Variants in PSD3 observed in about 807,000 individuals in gnomAD.
The protein encoded by PSD3 is pleckstrin and Sec7 domain containing 3.
A neutral mutation model predicts 105.5 loss-of-function variants in PSD3; 49 were observed. The observed-to-expected ratio is 0.46, with a 90% confidence interval of 0.37 to 0.59. The LOEUF is 0.59. Among genes scored for constraint, PSD3 ranks in the 20% least tolerant of loss-of-function variants. The pLI is 0.00. For missense variants in PSD3, 1,561 were observed against 1,263.8 expected, an observed-to-expected ratio of 1.24 and a Z score of -3.57; for synonymous variants, 557 against 457.8, an observed-to-expected ratio of 1.22 and a Z score of -2.77.
chr8:18,579,897 G>C (rs1212227291), intron 12 of PSD3, among the ~76,000 whole-genome samples: 1 of 152,110 alleles, frequency 6.6e-6, no homozygotes, highest in Non-Finnish European at 1.5e-5. Context: ...AAACACAGTT[G>C]AAATGGTCTT....
intron 4 of PSD3, among the ~76,000 whole-genome samples, chr8:18,859,777 G>T (rs558841353): frequency 6.6e-6 from 1 of 152,232 alleles, no homozygotes; most frequent in African/African-American, 2.4e-5. Context: ...GAGAATTGAA[G>T]AGAGTTAGAG....
chr8:18,836,889 G>A (rs780704785), intron 4 of PSD3, among the ~76,000 whole-genome samples: 1 of 140,584 alleles, frequency 7.1e-6, no homozygotes, highest in African/African-American at 2.6e-5. Flanking sequence ...AATGCGATGT[G>A]GAACTCACAG....
chr8:19,016,116 T>C (rs1474990587), upstream of PSD3, among the ~76,000 whole-genome samples: 1 of 152,236 alleles, frequency 6.6e-6, no homozygotes, highest in Non-Finnish European at 1.5e-5. Context: ...TTTGTTAGGC[T>C]TTTGGAAATA....
At chr8:18,996,506 A>G (rs1285756103) in intron 1 of PSD3, among the ~76,000 whole-genome samples, 3 of 152,004 alleles carry the variant, frequency 2.0e-5, no homozygotes, top group Non-Finnish European at 4.4e-5. Flanking sequence ...AAAAATCAAC[A>G]GCATTAACAA....
At chr8:19,026,134 T>C (rs992482892) in intron 1 of PSD3, among the ~76,000 whole-genome samples, 14 of 152,280 alleles carry the variant, frequency 9.2e-5, no homozygotes, top group South Asian at 2.1e-4. Flanking sequence ...CCTGCCCCCA[T>C]GATTCAATTG....
At chr8:18,960,763 ATTTAT>A (rs989096325) in intron 1 of PSD3, among the ~76,000 whole-genome samples, 3 of 152,116 alleles carry the variant, frequency 2.0e-5, no homozygotes, top group Admixed American at 1.3e-4. Context: ...TTATTTATTT[ATTTAT>A]TTAATTCTGA....
intron 8 of PSD3, among the ~76,000 whole-genome samples, chr8:18,779,366 G>T (rs1465868122): frequency 6.6e-6 from 1 of 150,914 alleles, no homozygotes; most frequent in East Asian, 2.0e-4. Context: ...AGCAATTTAT[G>T]AATGTTGTTT....
At chr8:18,554,713 C>A (rs913113444) in intron 15 of PSD3, among the ~76,000 whole-genome samples, 1 of 152,042 alleles carries the variant, frequency 6.6e-6, no homozygotes, top group Non-Finnish European at 1.5e-5. Flanking sequence ...GGAGGTATTA[C>A]GGAATCCGCT....
At chr8:18,803,097 C>T (rs78113778) in intron 6 of PSD3, 26,165 of 175,550 alleles carry the variant, frequency 0.15, 2,511 homozygotes, top group East Asian at 0.27. Flanking sequence ...ACCAGCCTGG[C>T]CAATATGGCA....
At chr8:19,060,086 C>A (rs376964711) in intron 1 of PSD3, among the ~76,000 whole-genome samples, 1 of 152,224 alleles carries the variant, frequency 6.6e-6, no homozygotes, top group East Asian at 1.9e-4. Context: ...GTAGGAAGGG[C>A]CCTAACTCTG....
At chr8:18,685,010 C>T (rs1050761667) in intron 9 of PSD3, among the ~76,000 whole-genome samples, 7 of 152,306 alleles carry the variant, frequency 4.6e-5, no homozygotes, top group Non-Finnish European at 1.0e-4. Context: ...GACAGAGGCT[C>T]AGCCACATAA....
chr8:18,888,534 T>C (rs1818579403), intron 2 of PSD3, among the ~76,000 whole-genome samples: 1 of 151,800 alleles, frequency 6.6e-6, no homozygotes. Context: ...CTAAATGAAC[T>C]GTACATAGAA....
At chr8:18,796,890 G>GA in intron 8 of PSD3, among the ~76,000 whole-genome samples, 1 of 152,272 alleles carries the variant, frequency 6.6e-6, no homozygotes, top group East Asian at 1.9e-4. Context: ...TAGCATTAAG[G>GA]AGAAGGTGAA....
chr8:18,792,258 A>T (rs1488908360), intron 8 of PSD3, among the ~76,000 whole-genome samples: 1 of 152,242 alleles, frequency 6.6e-6, no homozygotes, highest in Non-Finnish European at 1.5e-5. Flanking sequence ...ATAAAGATAC[A>T]TGCATGCATA....
At chr8:18,701,495 T>A (rs575007728) in intron 9 of PSD3, among the ~76,000 whole-genome samples, 2 of 152,310 alleles carry the variant, frequency 1.3e-5, no homozygotes, top group African/African-American at 4.8e-5. Flanking sequence ...TTATACAGAA[T>A]GGAACAATCA....
chr8:18,619,900 G>T (rs1360143901), intron 11 of PSD3, among the ~76,000 whole-genome samples: 1 of 152,144 alleles, frequency 6.6e-6, no homozygotes, highest in Non-Finnish European at 1.5e-5. Context: ...TAACATCTTT[G>T]GAGAATCGCC....
At position 18,528,707 on chromosome 8, in the gene PSD3, C is replaced by T. The variant is rs1799522405; in HGVS notation, c.*7036G>A. On this transcript the variant is annotated 3_prime_UTR_variant, in exon 16 of 16. Transcript: ENST00000327040. ...GTGTGGTCCTTAATCGAGCCTTGGG[C>T]TGGGACTCTTCTAGGAGCGCCTGAA... The T allele has an allele frequency of 6.6e-6, 1 of 152,610 alleles. No homozygotes were observed. The highest frequency in any genetic ancestry group is 1.5e-5 in the Non-Finnish European group (1 of 68,052). The allele number at this position is 152,610 out of a possible 1,614,324, so 9.5% of individuals were successfully genotyped here. A position where few individuals can be genotyped will look rare whatever the true frequency, so the allele number is the denominator to read the frequency against.
At chr8:19,016,407 T>C (rs1563511680), upstream of PSD3, among the ~76,000 whole-genome samples, 1 of 152,238 alleles carries the variant, frequency 6.6e-6, no homozygotes, top group South Asian at 2.1e-4. Flanking sequence ...GTATTATTCA[T>C]GCATACAGTT....
intron 1 of PSD3, among the ~76,000 whole-genome samples, chr8:19,072,611 C>G (rs974058034): frequency 6.6e-6 from 1 of 152,032 alleles, no homozygotes; most frequent in Non-Finnish European, 1.5e-5. Context: ...AGAGAAAACC[C>G]AGGCCACGGG....
Sources: gnomAD v4.1 joint callset for allele counts (sites outside exome capture counted in the v4.1 genomes callset) on GRCh38, gnomAD v4.1.1 for gene constraint, MANE v1.5 for transcripts, NCBI Gene and HGNC (gene_info 2026-07-23, HGNC 2026-07-21) for gene names.